KIF1A: variants seen among roughly 807,000 people sequenced by gnomAD.
KIF1A encodes kinesin-like protein KIF1A.
In KIF1A, 46 loss-of-function variants were observed where a neutral mutation model predicts 227.3. The ratio of observed to expected loss-of-function variants is 0.20; its 90% CI spans 0.16 to 0.26. The LOEUF is 0.26. Among genes scored for constraint, KIF1A ranks in the 10% least tolerant of loss-of-function variants. The probability of loss-of-function intolerance (pLI) is 1.00; values close to 1 mark genes in which losing one functional copy is unlikely to be tolerated. For missense variants in KIF1A, 1,683 were observed against 2,485.9 expected (o/e 0.68, Z 6.87); for synonymous variants, 1,022 against 1,012.8 (o/e 1.01, Z -0.17).
intron 27 of KIF1A, among the ~76,000 whole-genome samples, chr2:240,751,027 G>A (rs576503817): frequency 4.5e-4 from 68 of 152,240 alleles, no homozygotes; most frequent in Non-Finnish European, 8.4e-4. Flanking sequence ...TCGGCAGGTG[G>A]GAGCTCCGAG....
chr2:240,743,245 C>A (rs894718703), intron 33 of KIF1A, among the ~76,000 whole-genome samples: 1 of 152,200 alleles, frequency 6.6e-6, no homozygotes, highest in Admixed American at 6.5e-5. Flanking sequence ...CGAGGACAGA[C>A]AAGCACCCCC....
intron 1 of KIF1A, among the ~76,000 whole-genome samples, chr2:240,816,529 C>A (rs1213886685): frequency 6.6e-6 from 1 of 152,094 alleles, no homozygotes; most frequent in Non-Finnish European, 1.5e-5. Flanking sequence ...TCCCTATACC[C>A]CAAGGCGTCC....
At chr2:240,722,196 G>T (rs1236373095) in intron 43 of KIF1A, among the ~76,000 whole-genome samples, 1 of 152,226 alleles carries the variant, frequency 6.6e-6, no homozygotes, top group Non-Finnish European at 1.5e-5. Flanking sequence ...GGTGGAAGTG[G>T]TGAGCTCCCC....
intron 1 of KIF1A, among the ~76,000 whole-genome samples, chr2:240,816,406 T>C (rs1263330229): frequency 1.3e-5 from 2 of 152,014 alleles, no homozygotes; most frequent in Non-Finnish European, 2.9e-5. Flanking sequence ...AGTGGATGCA[T>C]GTGACTATGA....
intron 1 of KIF1A, among the ~76,000 whole-genome samples, chr2:240,807,124 GTGTGTGTATA>G (rs796742947): frequency 7.1e-4 from 78 of 109,714 alleles, no homozygotes; most frequent in Non-Finnish European, 1.3e-3. Context: ...GTGTGTGTGT[GTGTGTGTATA>G]TATATATATA....
chr2:240,719,979 C>G, intron 45 of KIF1A, 53 bp from the exon 46 acceptor site: 7 of 1,519,092 alleles, frequency 4.6e-6, no homozygotes, highest in Non-Finnish European at 6.2e-6. Context: ...GGCCTGGGGC[C>G]GTCTTCCCCC....
intron 2 of KIF1A, among the ~76,000 whole-genome samples, chr2:240,795,773 C>T (rs1250479312): frequency 6.6e-6 from 1 of 152,226 alleles, no homozygotes; most frequent in African/African-American, 2.4e-5. Context: ...CTGGGACACA[C>T]ATTCCAACCC....
chr2:240,722,674 G>A lies in KIF1A; in HGVS notation c.4465-18C>T. 1 of 1,487,508 alleles carries A rather than the reference G, an allele frequency of 6.7e-7. No individual in the cohort carries two copies. Among genetic ancestry groups the A allele is most frequent in the Non-Finnish European group, 9.0e-7 (1 of 1,112,996 alleles). 92.1% of individuals were successfully genotyped at this position (1,487,508 alleles called of 1,614,324 possible). ...TTCTCCACCTTCAGACAGGACACAA[G>A]GCCTTACCTGCTGCACCTCAGGGGT... On this transcript the variant is annotated intron_variant, in intron 42 of 48. Coordinates refer to ENST00000498729, the MANE Select transcript of KIF1A (RefSeq NM_001244008.2).
At chr2:240,820,510 CG>C (rs1029851161), upstream of KIF1A, among the ~76,000 whole-genome samples, 1 of 151,682 alleles carries the variant, frequency 6.6e-6, no homozygotes, top group Non-Finnish European at 1.5e-5. The surrounding 1 kb of genome is among the most constrained non-coding windows in gnomAD (Gnocchi z 6.2). Flanking sequence ...TGAGACCTCG[CG>C]GGGGAGGGAC....
chr2:240,737,958 T>A (rs541213241), intron 37 of KIF1A, among the ~76,000 whole-genome samples: 90 of 152,330 alleles, frequency 5.9e-4, no homozygotes, highest in African/African-American at 2.1e-3. Context: ...GCCTGCCCCA[T>A]CCCATTGCTG....
At chr2:240,720,816 G>T (rs908783880) in intron 45 of KIF1A, 98 bp downstream of exon 45, 15 of 1,407,436 alleles carry the variant, frequency 1.1e-5, no homozygotes, top group Non-Finnish European at 1.4e-5. Context: ...TCGGCCATTG[G>T]GGCCCCCTGT....
chr2:240,813,884 C>T (rs923102507), intron 1 of KIF1A, among the ~76,000 whole-genome samples: 2 of 152,182 alleles, frequency 1.3e-5, no homozygotes, highest in African/African-American at 4.8e-5. Flanking sequence ...GCGAAACAAC[C>T]GAGCACAACC....
intron 45 of KIF1A, 163 bp downstream of exon 45, chr2:240,720,751 C>T: frequency 1.3e-6 from 1 of 766,148 alleles, no homozygotes; most frequent in Non-Finnish European, 2.0e-6. Context: ...TCTGAGAGGG[C>T]TGCGGACTCC....
In KIF1A at chr2:240,793,367, GC is replaced by G. The variant is rs1273616808; in HGVS notation, c.107-4056del. Among the ~76,000 whole-genome samples the G allele has an allele frequency of 5.9e-5, 9 of 152,340 alleles. No homozygotes were observed. In the East Asian group the frequency reaches 1.7e-3, roughly 29 times the overall value. On this transcript the variant is annotated intron_variant, in intron 2 of 48. Transcript: ENST00000498729. The surrounding 1 kb of genome is among the most constrained non-coding windows in gnomAD (Gnocchi z 4.8). ...TGGGGAAACTGAGGCCCAAAGGGATGCCCTCTAGCCAGTGTCACACAGCGAG... is the reference window on the plus strand; with the variant it reads ...TGGGGAAACTGAGGCCCAAAGGGATGCCTCTAGCCAGTGTCACACAGCGAG...
At chr2:240,718,374 C>T (rs2044820921) in intron 47 of KIF1A, among the ~76,000 whole-genome samples, 1 of 152,186 alleles carries the variant, frequency 6.6e-6, no homozygotes, top group African/African-American at 2.4e-5. Flanking sequence ...GGTCCCAGGA[C>T]ACCCTCACCA....
intron 1 of KIF1A, among the ~76,000 whole-genome samples, chr2:240,804,530 G>A (rs933581706): frequency 1.3e-5 from 2 of 152,224 alleles, no homozygotes; most frequent in Admixed American, 1.3e-4. Context: ...TTCACCTGCT[G>A]TGGGGGGAAT....
At position 240,757,599 on chromosome 2, in the gene KIF1A, G is replaced by GGTTA. The variant is rs746844021; in HGVS notation, c.2583-9_2583-6dup. 295 of 1,550,252 alleles carry GGTTA rather than the reference G, an allele frequency of 1.9e-4. 3 individuals are homozygous for GGTTA. The highest frequency in any genetic ancestry group is 1.1e-5 in the Non-Finnish European group (13 of 1,146,878). ...TTGCAGCCAGAGATGGCTGAACTGA[G>GGTTA]GTTAGTGCGACAAGACAGAGAGAAG... On this transcript the variant is annotated splice_polypyrimidine_tract_variant and splice_region_variant and intron_variant, in intron 26 of 48. Transcript: ENST00000498729. The surrounding 1 kb of genome is among the most constrained non-coding windows in gnomAD (Gnocchi z 6.2).
chr2:240,814,202 C>T (rs567983124), intron 1 of KIF1A, among the ~76,000 whole-genome samples: 102 of 152,056 alleles, frequency 6.7e-4, no homozygotes, highest in African/African-American at 2.4e-3. Flanking sequence ...AAGGGCCCAC[C>T]GAGTGCCAAT....
At chr2:240,779,572 C>CCTCA (rs1490977464) in intron 10 of KIF1A, among the ~76,000 whole-genome samples, 1 of 146,872 alleles carries the variant, frequency 6.8e-6, no homozygotes, top group Non-Finnish European at 1.5e-5. Context: ...TCACTCAGTT[C>CCTCA]CTCAGTTCCT....
Sources: allele counts gnomAD v4.1 joint callset (sites outside exome capture counted in the v4.1 genomes callset), GRCh38; gene constraint gnomAD v4.1.1; non-coding constraint Gnocchi (gnomAD v3.1); transcripts MANE v1.5; gene names NCBI Gene and HGNC (gene_info 2026-07-23, HGNC 2026-07-21).